Variants in SPON1 observed in about 807,000 individuals in gnomAD.
The protein encoded by SPON1 is spondin-1.
Under a neutral mutation model 111.7 loss-of-function variants are expected in SPON1, and 52 were observed. The observed-to-expected ratio is 0.47, with a 90% confidence interval of 0.37 to 0.59. The LOEUF is 0.59. SPON1 is among the 20% of genes least tolerant of loss of function. SPON1 has a pLI of 0.00. For synonymous variants in SPON1, 410 were observed against 395.8 expected (o/e 1.04, Z -0.43); for missense variants, 957 against 1,068.5 (o/e 0.90, Z 1.46).
In SPON1 at chr11:14,187,841, C is replaced by T. The variant is rs372686277; in HGVS notation, c.825+52273C>T. Among the ~76,000 whole-genome samples the T allele has an allele frequency of 1.7e-4, 26 of 151,536 alleles. No individual in the cohort carries two copies. In the East Asian group the frequency reaches 2.7e-3, roughly 16 times the overall value. ...GTTGCCCAGGCCTGGAGTGTAATGG[C>T]GCAATCTCAGCTCACCACAACCTCC... is the stretch of plus-strand genomic sequence containing the variant. On this transcript the variant is annotated intron_variant, in intron 6 of 15. Transcript: ENST00000576479.
rs572205261 is a variant in SPON1, at chr11:14,090,217, A to C, written c.676+10196A>C. Among the ~76,000 whole-genome samples the C allele has an allele frequency of 1.7e-3, 251 of 151,990 alleles. 4 individuals are homozygous for C. The highest frequency in any genetic ancestry group is 5.4e-3 in the African/African-American group (226 of 41,474). ...AGGGTATGAAAAAAAAAAAAAAAAA[A>C]AAAACTGCAGCCAGCTTGGCGTCTG... On this transcript the variant is annotated intron_variant, in intron 5 of 15. Coordinates refer to ENST00000576479, the MANE Select transcript of SPON1 (RefSeq NM_006108.4).
chr11:14,100,147 T>G (rs1451169472), intron 5 of SPON1, among the ~76,000 whole-genome samples: 1 of 151,286 alleles, frequency 6.6e-6, no homozygotes, highest in Non-Finnish European at 1.5e-5. Flanking sequence ...TACTGAGTTT[T>G]TTTTTTTTTT....
intron 6 of SPON1, among the ~76,000 whole-genome samples, chr11:14,147,253 C>CA (rs1847732417): frequency 1.3e-5 from 2 of 151,654 alleles, no homozygotes; most frequent in Admixed American, 1.3e-4. Context: ...AGGCTGGTCT[C>CA]AAACTCCTGA....
intron 7 of SPON1, 39 bp downstream of exon 7, chr11:14,243,435 T>A (rs782662765): frequency 6.5e-7 from 1 of 1,536,350 alleles, no homozygotes; most frequent in Non-Finnish European, 8.8e-7. Context: ...TGTCTTATCC[T>A]AGCCCCTTCT....
chr11:14,048,894 G>A (rs1288611797), intron 3 of SPON1, among the ~76,000 whole-genome samples: 1 of 152,202 alleles, frequency 6.6e-6, no homozygotes, highest in East Asian at 1.9e-4. Flanking sequence ...GGTCTGAGAT[G>A]TAGATCATCC....
chr11:14,063,267 C>T (rs1221458042), intron 3 of SPON1, among the ~76,000 whole-genome samples: 1 of 152,160 alleles, frequency 6.6e-6, no homozygotes, highest in East Asian at 1.9e-4. Context: ...AGTCTCCCAA[C>T]ATAAACATGA....
chr11:14,234,620 C>T (rs1476450190), intron 6 of SPON1, among the ~76,000 whole-genome samples: 1 of 152,192 alleles, frequency 6.6e-6, no homozygotes, highest in African/African-American at 2.4e-5. Flanking sequence ...GATGTGAGTC[C>T]TCAGAGCTCC....
At chr11:14,148,599 A>G (rs1847752328) in intron 6 of SPON1, among the ~76,000 whole-genome samples, 1 of 152,228 alleles carries the variant, frequency 6.6e-6, no homozygotes, top group Non-Finnish European at 1.5e-5. Context: ...AGAGAGCTAC[A>G]GTCCACCTGT....
At chr11:14,011,056 G>A (rs1848401031) in intron 2 of SPON1, among the ~76,000 whole-genome samples, 1 of 152,166 alleles carries the variant, frequency 6.6e-6, no homozygotes, top group African/African-American at 2.4e-5. Context: ...AGTGTGGGTA[G>A]TCAGGACAGA....
chr11:14,154,565 G>A (rs1307311825), intron 6 of SPON1, among the ~76,000 whole-genome samples: 2 of 152,230 alleles, frequency 1.3e-5, no homozygotes, highest in African/African-American at 4.8e-5. Context: ...TCCCTCTTGG[G>A]ACTCTGGGCC....
intron 6 of SPON1, among the ~76,000 whole-genome samples, chr11:14,210,185 CAA>C (rs2133901294): frequency 6.6e-6 from 1 of 152,190 alleles, no homozygotes; most frequent in African/African-American, 2.4e-5. Context: ...GGATAGATTG[CAA>C]AAATTCTCTC....
chr11:14,042,705 T>C (rs1554917418), intron 3 of SPON1, among the ~76,000 whole-genome samples: 1 of 152,182 alleles, frequency 6.6e-6, no homozygotes, highest in East Asian at 1.9e-4. Context: ...TCAAATATAG[T>C]CATTTTGACA....
chr11:14,016,620 A>C (rs546886880), intron 2 of SPON1, among the ~76,000 whole-genome samples: 2 of 152,228 alleles, frequency 1.3e-5, no homozygotes, highest in African/African-American at 2.4e-5. Flanking sequence ...CTCACATTAA[A>C]AAAAGAAATA....
intron 6 of SPON1, among the ~76,000 whole-genome samples, chr11:14,213,856 A>C (rs782262786): frequency 6.6e-6 from 1 of 152,198 alleles, no homozygotes; most frequent in Non-Finnish European, 1.5e-5. Flanking sequence ...CTTTTTTATA[A>C]GGATGTGTTC....
intron 3 of SPON1, among the ~76,000 whole-genome samples, chr11:14,051,350 CAT>C (rs1848705857): frequency 6.6e-6 from 1 of 152,082 alleles, no homozygotes; most frequent in African/African-American, 2.4e-5. Context: ...GCCTGGGAAA[CAT>C]AGTGAGACCT....
chr11:14,249,966 G>A (rs1475881168), intron 7 of SPON1, among the ~76,000 whole-genome samples: 1 of 152,080 alleles, frequency 6.6e-6, no homozygotes, highest in African/African-American at 2.4e-5. Flanking sequence ...CAATGCCCTG[G>A]GTTCTTTCCT....
chr11:13,992,658 G>A (rs1011094902), intron 2 of SPON1, among the ~76,000 whole-genome samples: 6 of 152,234 alleles, frequency 3.9e-5, no homozygotes, highest in Admixed American at 1.3e-4. Context: ...ATGGCCACCC[G>A]GTTTTGTGCT....
intron 2 of SPON1, among the ~76,000 whole-genome samples, chr11:13,999,531 G>C (rs1179490046): frequency 6.6e-6 from 1 of 151,428 alleles, no homozygotes; most frequent in Non-Finnish European, 1.5e-5. Flanking sequence ...TCAGCCTCCT[G>C]AGTAGCTGGG....
rs7102139 is a variant in SPON1, at chr11:14,022,718, C to A, written c.346-18803C>A. Among the ~76,000 whole-genome samples the A allele has an allele frequency of 3.8e-3, 578 of 152,280 alleles. 3 individuals carry two copies. The highest frequency in any genetic ancestry group is 0.013 in the African/African-American group (528 of 41,548). On this transcript the variant is annotated intron_variant, in intron 2 of 15. Transcript: ENST00000576479. ...TTCCCTCAAAGTTAAGCTTTTCTTC[C>A]CTGTTCATCTAAAAAATCAAGCAAT...
Sources: allele counts gnomAD v4.1 joint callset (sites outside exome capture counted in the v4.1 genomes callset), GRCh38; gene constraint gnomAD v4.1.1; transcripts MANE v1.5; gene names NCBI Gene and HGNC (gene_info 2026-07-23, HGNC 2026-07-21).